Variants in CNTN4 observed in about 807,000 individuals in gnomAD.
CNTN4 encodes contactin 4, also known as contactin-4.
A neutral mutation model predicts 122.5 loss-of-function variants in CNTN4; 77 were observed. The ratio of observed to expected loss-of-function variants is 0.63; its 90% CI spans 0.52 to 0.76. CNTN4 has a LOEUF of 0.76. CNTN4 is among the 30% of genes least tolerant of loss of function. The pLI is 0.00. For synonymous variants in CNTN4, 512 were observed against 447.0 expected (o/e 1.15, Z -1.83); for missense variants, 1,256 against 1,259.1 (o/e 1.00, Z 0.04).
intron 13 of CNTN4, among the ~76,000 whole-genome samples, chr3:2,953,533 G>T (rs1271937338): frequency 6.6e-6 from 1 of 151,330 alleles, no homozygotes; most frequent in Non-Finnish European, 1.5e-5. Context: ...CACAGTTTTT[G>T]GGCCTTTTTT....
In CNTN4 at chr3:2,383,701, C is replaced by G. The variant is rs1013299498; in HGVS notation, c.-89+44468C>G. ...CCTTCCTCTCCCTATCCTTCCCTTT[C>G]TTTCCCTCCCTCTCCTTCTTCTGTC... is the stretch of plus-strand genomic sequence containing the variant. On this transcript the variant is annotated intron_variant, in intron 3 of 24. Coordinates refer to ENST00000418658, the MANE Select transcript of CNTN4 (RefSeq NM_175607.3). 3.4e-5 allele frequency among the ~76,000 whole-genome samples: 5 copies of G among 149,054 alleles called. No homozygotes were observed. In the South Asian group the frequency reaches 8.6e-4, roughly 26 times the overall value.
intron 2 of CNTN4, among the ~76,000 whole-genome samples, chr3:2,138,149 C>T (rs772415013): frequency 1.3e-5 from 2 of 151,852 alleles, no homozygotes; most frequent in African/African-American, 2.4e-5. Context: ...TCACTGCAAC[C>T]TCCACTTCCC....
chr3:2,327,133 A>ATGTG (rs143040725), intron 2 of CNTN4, among the ~76,000 whole-genome samples: 380 of 149,458 alleles, frequency 2.5e-3, no homozygotes, highest in African/African-American at 7.3e-3. Context: ...CTGGGAATAG[A>ATGTG]TGTGTGTGTG....
At chr3:2,286,352 C>A (rs1383419944) in intron 2 of CNTN4, among the ~76,000 whole-genome samples, 1 of 149,566 alleles carries the variant, frequency 6.7e-6, no homozygotes, top group African/African-American at 2.5e-5. Context: ...ATGAGAAATT[C>A]TCTTTTTTTT....
In CNTN4 at chr3:2,400,428, C is replaced by CATATAT. The variant is rs58112641; in HGVS notation, c.-89+61212_-89+61217dup. 1.4e-3 allele frequency among the ~76,000 whole-genome samples: 133 copies of CATATAT among 95,716 alleles called. 3 individuals are homozygous for CATATAT. Among genetic ancestry groups the CATATAT allele is most frequent in the East Asian group, 4.2e-3 (16 of 3,814 alleles). The allele number at this position is 95,716 out of a possible 152,430, so 62.8% of individuals were successfully genotyped here. A position where few individuals can be genotyped will look rare whatever the true frequency, so the allele number is the denominator to read the frequency against. ...GAATATATATATATATATATATATA[C>CATATAT]ATATATATATATATATATATATCTC... On this transcript the variant is annotated intron_variant, in intron 3 of 24. Coordinates refer to ENST00000418658, the MANE Select transcript of CNTN4 (RefSeq NM_175607.3).
chr3:2,782,028 T>C, intron 6 of CNTN4, among the ~76,000 whole-genome samples: 1 of 151,892 alleles, frequency 6.6e-6, no homozygotes, highest in East Asian at 1.9e-4. Context: ...ATTTAAACAA[T>C]ATAAAGGAAT....
At chr3:2,134,018 A>T (rs902390535) in intron 2 of CNTN4, among the ~76,000 whole-genome samples, 1 of 152,132 alleles carries the variant, frequency 6.6e-6, no homozygotes, top group South Asian at 2.1e-4. Context: ...ATGAAATTTT[A>T]AAAAATTGAC....
chr3:2,663,851 A>G (rs1365628597), intron 4 of CNTN4, among the ~76,000 whole-genome samples: 3 of 152,240 alleles, frequency 2.0e-5, no homozygotes, highest in East Asian at 3.8e-4. Context: ...ATATTACAAC[A>G]AAGATGAACC....
intron 14 of CNTN4, 170 bp downstream of exon 14, chr3:2,988,642 G>C: frequency 1.4e-6 from 1 of 700,326 alleles, no homozygotes; most frequent in Middle Eastern, 3.9e-4. Context: ...AAAACTGCTG[G>C]TAATGAATAT....
At chr3:2,468,957 G>A (rs777404252) in intron 3 of CNTN4, among the ~76,000 whole-genome samples, 1 of 152,094 alleles carries the variant, frequency 6.6e-6, no homozygotes, top group Non-Finnish European at 1.5e-5. Flanking sequence ...TAGCTTTAAG[G>A]TGTCAAAGTA....
chr3:2,457,895 C>T lies in CNTN4; in HGVS notation c.-88-113521C>T, dbSNP rs185332109. Reference sequence around the variant, plus strand: ...AGCACAGATAACTCTGCCACTTGGCCATGCTGAGGGCTCATGAATTACATT... The same window carrying T: ...AGCACAGATAACTCTGCCACTTGGCTATGCTGAGGGCTCATGAATTACATT... On this transcript the variant is annotated intron_variant, in intron 3 of 24. Coordinates refer to ENST00000418658, the MANE Select transcript of CNTN4 (RefSeq NM_175607.3). Among the ~76,000 whole-genome samples, 119 of 152,222 alleles carry T rather than the reference C, an allele frequency of 7.8e-4. 1 individual carries two copies. The highest frequency in any genetic ancestry group is 2.7e-3 in the African/African-American group (111 of 41,538).
intron 4 of CNTN4, among the ~76,000 whole-genome samples, chr3:2,601,175 T>A (rs1459205593): frequency 2.0e-5 from 3 of 152,220 alleles, no homozygotes; most frequent in Non-Finnish European, 2.9e-5. Context: ...GATGGTAGTT[T>A]CTTTTGTTGT....
intron 2 of CNTN4, among the ~76,000 whole-genome samples, chr3:2,294,288 C>CTTTT (rs71058604): frequency 7.4e-6 from 1 of 135,614 alleles, no homozygotes; most frequent in Non-Finnish European, 1.6e-5. Flanking sequence ...AGAGTTGTGA[C>CTTTT]TTTTTTTTTT....
intron 14 of CNTN4, among the ~76,000 whole-genome samples, chr3:3,012,413 A>G (rs945152029): frequency 2.6e-5 from 4 of 151,968 alleles, no homozygotes; most frequent in Admixed American, 2.0e-4. Flanking sequence ...TTATGTAGCA[A>G]GCTCTATTCT....
At chr3:2,806,112 A>G (rs2092462017) in intron 6 of CNTN4, among the ~76,000 whole-genome samples, 2 of 152,116 alleles carry the variant, frequency 1.3e-5, no homozygotes, top group African/African-American at 4.8e-5. Flanking sequence ...CTTGTTAGCC[A>G]GGATGGTGTC....
intron 3 of CNTN4, among the ~76,000 whole-genome samples, chr3:2,446,696 C>G (rs2048638559): frequency 1.3e-5 from 2 of 152,182 alleles, no homozygotes; most frequent in African/African-American, 4.8e-5. Flanking sequence ...AGGTTTGATA[C>G]TTAGATGAGT....
At chr3:2,139,863 A>C (rs953584932) in intron 2 of CNTN4, among the ~76,000 whole-genome samples, 1 of 152,176 alleles carries the variant, frequency 6.6e-6, no homozygotes, top group Non-Finnish European at 1.5e-5. Flanking sequence ...TTTTCCTACC[A>C]ATCCACAAAA....
intron 3 of CNTN4, among the ~76,000 whole-genome samples, chr3:2,377,187 G>A (rs987561581): frequency 5.9e-5 from 9 of 151,386 alleles, no homozygotes; most frequent in African/African-American, 2.2e-4. Context: ...AAATGACAGA[G>A]CTCTTTTCAT....
intron 13 of CNTN4, among the ~76,000 whole-genome samples, chr3:2,977,243 T>G (rs1256218630): frequency 6.6e-6 from 1 of 152,224 alleles, no homozygotes; most frequent in East Asian, 1.9e-4. Context: ...TAGAATACCA[T>G]AGGTTGCCAT....
Sources: allele counts gnomAD v4.1 joint callset (sites outside exome capture counted in the v4.1 genomes callset), GRCh38; gene constraint gnomAD v4.1.1; transcripts MANE v1.5; gene names NCBI Gene and HGNC (gene_info 2026-07-23, HGNC 2026-07-21).